The following RBFOX1 variants were observed in gnomAD, a reference collection of about 807,000 sequenced individuals.
RBFOX1 encodes RNA binding fox-1 homolog 1, also known as RNA binding protein fox-1 homolog 1.
Under a neutral mutation model 57.7 loss-of-function variants are expected in RBFOX1, and 8 were observed. The ratio of observed to expected loss-of-function variants is 0.14; its 90% CI spans 0.08 to 0.25. The LOEUF is 0.25. RBFOX1 is among the 10% of genes least tolerant of loss of function. The probability of loss-of-function intolerance (pLI) is 1.00; values close to 1 mark genes in which losing one functional copy is unlikely to be tolerated. For synonymous variants in RBFOX1, 326 were observed against 222.4 expected (o/e 1.47, Z -4.15); for missense variants, 611 against 548.5 (o/e 1.11, Z -1.14).
At chr16:7,131,356 T>C (rs1465084000) in intron 4 of RBFOX1, among the ~76,000 whole-genome samples, 2 of 147,418 alleles carry the variant, frequency 1.4e-5, no homozygotes, top group Admixed American at 1.3e-4. Flanking sequence ...TTTTTTTTTT[T>C]TTTTTTTTAA....
intron 2 of RBFOX1, among the ~76,000 whole-genome samples, chr16:5,540,683 C>G (rs2044897518): frequency 1.3e-5 from 2 of 152,270 alleles, no homozygotes; most frequent in South Asian, 2.1e-4. Context: ...ATACGAATCT[C>G]TGGCACTGAC....
chr16:7,311,348 C>G (rs1006159296), intron 4 of RBFOX1, among the ~76,000 whole-genome samples: 1 of 152,066 alleles, frequency 6.6e-6, no homozygotes. Flanking sequence ...CCCAGGGATG[C>G]AATGACTATT....
chr16:5,522,429 C>T (rs1006993185), intron 2 of RBFOX1, among the ~76,000 whole-genome samples: 1 of 152,182 alleles, frequency 6.6e-6, no homozygotes, highest in Non-Finnish European at 1.5e-5. Context: ...ATAGTATTTG[C>T]AGATATTTAA....
At chr16:5,483,685 A>G (rs2069626335) in intron 2 of RBFOX1, among the ~76,000 whole-genome samples, 1 of 152,236 alleles carries the variant, frequency 6.6e-6, no homozygotes, top group African/African-American at 2.4e-5. Flanking sequence ...CTGCTGATAA[A>G]GCAAAGCACT....
At chr16:6,466,665 C>G (rs1567340676) in intron 2 of RBFOX1, among the ~76,000 whole-genome samples, 1 of 152,130 alleles carries the variant, frequency 6.6e-6, no homozygotes, top group Non-Finnish European at 1.5e-5. Flanking sequence ...TGACATGCAC[C>G]CAAAGAGTCT....
intron 4 of RBFOX1, among the ~76,000 whole-genome samples, chr16:7,477,622 C>T (rs1169240139): frequency 6.6e-6 from 1 of 152,310 alleles, no homozygotes; most frequent in African/African-American, 2.4e-5. Flanking sequence ...GACCCCCAAG[C>T]TGCTCTCACC....
intron 3 of RBFOX1, among the ~76,000 whole-genome samples, chr16:6,758,415 C>CG (rs2076132893): frequency 6.6e-6 from 1 of 152,068 alleles, no homozygotes; most frequent in Admixed American, 6.6e-5. Context: ...GTCATAGCAA[C>CG]GGGTGCTAGA....
intron 4 of RBFOX1, among the ~76,000 whole-genome samples, chr16:7,374,539 C>G (rs2097648082): frequency 6.6e-6 from 1 of 152,118 alleles, no homozygotes; most frequent in African/African-American, 2.4e-5. Flanking sequence ...AGGAATCTAC[C>G]TGGCTCTTAG....
intron 2 of RBFOX1, among the ~76,000 whole-genome samples, chr16:6,595,454 C>T (rs545326917): frequency 6.6e-6 from 1 of 152,282 alleles, no homozygotes; most frequent in South Asian, 2.1e-4. Flanking sequence ...TTTGTCCATT[C>T]ATTGGTTGTC....
chr16:6,891,728 G>A (rs1054140668), intron 3 of RBFOX1, among the ~76,000 whole-genome samples: 4 of 152,140 alleles, frequency 2.6e-5, no homozygotes, highest in Non-Finnish European at 2.9e-5. Context: ...AACGTGGAAC[G>A]CAGCACTCCA....
At chr16:7,060,017 G>A (rs1219286609) in intron 4 of RBFOX1, among the ~76,000 whole-genome samples, 1 of 152,184 alleles carries the variant, frequency 6.6e-6, no homozygotes, top group Non-Finnish European at 1.5e-5. Flanking sequence ...CCTCAGAAAT[G>A]TGGAAAGATT....
chr16:7,657,972 C>T (rs1425180548), intron 12 of RBFOX1, among the ~76,000 whole-genome samples: 1 of 152,172 alleles, frequency 6.6e-6, no homozygotes, highest in Non-Finnish European at 1.5e-5. Flanking sequence ...CAATATTCTA[C>T]CCATACTGGC....
At chr16:6,683,933 C>A (rs1449044675) in intron 3 of RBFOX1, among the ~76,000 whole-genome samples, 2 of 152,192 alleles carry the variant, frequency 1.3e-5, no homozygotes, top group Non-Finnish European at 2.9e-5. Context: ...AAACATGTGT[C>A]ACGCAGTGGG....
intron 4 of RBFOX1, among the ~76,000 whole-genome samples, chr16:7,312,050 G>A (rs2096324367): frequency 6.6e-6 from 1 of 152,326 alleles, no homozygotes; most frequent in Admixed American, 6.5e-5. Context: ...CTCAGTGCCT[G>A]GGGTGCAGTG....
chr16:6,829,241 A>G, intron 3 of RBFOX1, among the ~76,000 whole-genome samples: 1 of 105,174 alleles, frequency 9.5e-6, no homozygotes, highest in East Asian at 2.9e-4. Flanking sequence ...AATGAAATGC[A>G]GTCAGAAAAA....
intron 4 of RBFOX1, among the ~76,000 whole-genome samples, chr16:7,328,488 A>AAAT (rs1327141180): frequency 6.6e-6 from 1 of 150,852 alleles, no homozygotes; most frequent in Non-Finnish European, 1.5e-5. Context: ...AAAAAAAAAA[A>AAAT]AAAAAAAAAA....
intron 3 of RBFOX1, among the ~76,000 whole-genome samples, chr16:5,802,046 T>A (rs773874820): frequency 6.6e-6 from 1 of 152,146 alleles, no homozygotes; most frequent in Non-Finnish European, 1.5e-5. Context: ...GGCCTCTTTA[T>A]AGATTAAATC....
At chr16:6,743,968 T>C (rs1364908344) in intron 3 of RBFOX1, among the ~76,000 whole-genome samples, 1 of 151,850 alleles carries the variant, frequency 6.6e-6, no homozygotes, top group Non-Finnish European at 1.5e-5. Context: ...TTGTCAATGT[T>C]ATCTTTTCAA....
intron 4 of RBFOX1, among the ~76,000 whole-genome samples, chr16:7,134,753 C>G (rs541258113): frequency 6.6e-6 from 1 of 152,240 alleles, no homozygotes; most frequent in South Asian, 2.1e-4. Flanking sequence ...CTGTAGATGG[C>G]TTGTGTGCTG....
Sources: gnomAD v4.1 joint callset for allele counts (sites outside exome capture counted in the v4.1 genomes callset) on GRCh38, gnomAD v4.1.1 for gene constraint, MANE v1.5 for transcripts, NCBI Gene and HGNC (gene_info 2026-07-23, HGNC 2026-07-21) for gene names.